The following VWC2 variants were observed in gnomAD, a reference collection of about 807,000 sequenced individuals.
VWC2 encodes the protein brorin.
Under a neutral mutation model 29.8 loss-of-function variants are expected in VWC2, and 14 were observed. The ratio of observed to expected loss-of-function variants is 0.47; its 90% confidence interval spans 0.31 to 0.74. The LOEUF (loss-of-function observed/expected upper bound fraction) is 0.74, where lower values mean the gene tolerates loss of function less well. Ranked by LOEUF, VWC2 falls within the 30% of genes least tolerant of loss-of-function variation. VWC2 has a pLI of 0.05. For synonymous variants in VWC2, 213 were observed against 199.0 expected (o/e 1.07, Z -0.59); for missense variants, 457 against 459.8 (o/e 0.99, Z 0.05).
chr7:49,852,026 C>T lies in VWC2; in HGVS notation c.826+49186C>T, dbSNP rs113711124. Among the ~76,000 whole-genome samples, 272 of 152,250 alleles carry T rather than the reference C, an allele frequency of 1.8e-3. 3 individuals carry two copies. Among genetic ancestry groups the T allele is most frequent in the African/African-American group, 6.1e-3 (253 of 41,556 alleles). On this transcript the variant is annotated intron_variant, in intron 3 of 3. Coordinates refer to ENST00000340652, the MANE Select transcript of VWC2 (RefSeq NM_198570.5). ...AGATCACTGCTGTCAGCCTAGGGTC[C>T]GGATTTAATCCGGATTAAACCAATA...
intron 3 of VWC2, among the ~76,000 whole-genome samples, chr7:49,849,392 T>C (rs1382795486): frequency 1.3e-5 from 2 of 152,212 alleles, no homozygotes; most frequent in African/African-American, 2.4e-5. Flanking sequence ...CTGTGTGTCC[T>C]GCCACTGCTC....
At chr7:49,809,371 A>C (rs1215584981) in intron 3 of VWC2, among the ~76,000 whole-genome samples, 1 of 151,984 alleles carries the variant, frequency 6.6e-6, no homozygotes, top group African/African-American at 2.4e-5. Context: ...ACAAATTAAT[A>C]ATTAAGAGCT....
chr7:49,811,245 T>C (rs1788998799), intron 3 of VWC2, among the ~76,000 whole-genome samples: 3 of 152,128 alleles, frequency 2.0e-5, no homozygotes, highest in Middle Eastern at 3.2e-3. Context: ...AAATAACCAA[T>C]TAAGATGATG....
chr7:49,801,140 G>A lies in VWC2; in HGVS notation c.697-1571G>A, dbSNP rs182531286. Among the ~76,000 whole-genome samples, 292 of 152,294 alleles carry A rather than the reference G, an allele frequency of 1.9e-3. 1 individual carries two copies. Among genetic ancestry groups the A allele is most frequent in the Non-Finnish European group, 3.3e-3 (222 of 68,024 alleles). The stretch of plus-strand genomic sequence containing the variant: ...ATGGTTAAACTCCAGTTGAGCTTTT[G>A]CTTCTCGTAATAGCCAGTCCACTCA... On this transcript the variant is annotated intron_variant, in intron 2 of 3. Transcript: ENST00000340652.
intron 3 of VWC2, among the ~76,000 whole-genome samples, chr7:49,813,129 G>T (rs779239843): frequency 1.3e-5 from 2 of 152,106 alleles, no homozygotes; most frequent in African/African-American, 4.8e-5. Context: ...GTTCTTCTCC[G>T]TGTCATTCTA....
intron 3 of VWC2, among the ~76,000 whole-genome samples, chr7:49,817,658 T>C (rs1789177192): frequency 6.6e-6 from 1 of 152,200 alleles, no homozygotes; most frequent in African/African-American, 2.4e-5. Context: ...TATAAAAGAG[T>C]CCATTACCCC....
chr7:49,913,548 C>G lies in VWC2; in HGVS notation c.*1363C>G, dbSNP rs892127777. The stretch of plus-strand genomic sequence containing the variant: ...ATTTGAAGCCTCTAAAGGTATTTTT[C>G]ATATTTTTGTTTATTCTGAAATTTT... On this transcript the variant is annotated 3_prime_UTR_variant, in exon 4 of 4. Coordinates refer to ENST00000340652, the MANE Select transcript of VWC2 (RefSeq NM_198570.5). 1 of 152,088 alleles carries G rather than the reference C, an allele frequency of 6.6e-6. No individual in the cohort carries two copies. The highest frequency in any genetic ancestry group is 1.5e-5 in the Non-Finnish European group (1 of 68,002). 9.4% of individuals were successfully genotyped at this position (152,088 alleles called of 1,614,324 possible). A position where few individuals can be genotyped will look rare whatever the true frequency, so the allele number is the denominator to read the frequency against.
chr7:49,907,424 T>C (rs1251269928), intron 3 of VWC2, among the ~76,000 whole-genome samples: 1 of 152,144 alleles, frequency 6.6e-6, no homozygotes, highest in Non-Finnish European at 1.5e-5. Flanking sequence ...AGGAATGACA[T>C]TTGCATTGTA....
chr7:49,854,856 G>A (rs1790349973), intron 3 of VWC2, among the ~76,000 whole-genome samples: 1 of 152,170 alleles, frequency 6.6e-6, no homozygotes. Flanking sequence ...GGAAGGGATG[G>A]CTGTTATCAA....
chr7:49,908,492 A>G (rs1334837711), intron 3 of VWC2, among the ~76,000 whole-genome samples: 1 of 152,240 alleles, frequency 6.6e-6, no homozygotes, highest in Non-Finnish European at 1.5e-5. Context: ...AGCCACACAT[A>G]ACACAAATCT....
At chr7:49,815,664 A>C (rs1273670758) in intron 3 of VWC2, among the ~76,000 whole-genome samples, 4 of 152,214 alleles carry the variant, frequency 2.6e-5, no homozygotes, top group Non-Finnish European at 5.9e-5. Flanking sequence ...TTGATGTGAA[A>C]ACCAATGATC....
chr7:49,877,481 A>AAAAAATATACAT, intron 3 of VWC2, among the ~76,000 whole-genome samples: 284 of 12,728 alleles, frequency 0.022, 93 homozygotes, highest in Non-Finnish European at 0.033. Context: ...AAAAAAAAAA[A>AAAAAATATACAT]ATATATATAT....
chr7:49,785,088 A>C (rs112013949), intron 2 of VWC2, among the ~76,000 whole-genome samples: 91 of 152,358 alleles, frequency 6.0e-4, no homozygotes, highest in African/African-American at 2.0e-3. Flanking sequence ...TTTGAATAAG[A>C]ATCAGATAAA....
chr7:49,849,778 A>G (rs530261386), intron 3 of VWC2, among the ~76,000 whole-genome samples: 1 of 152,344 alleles, frequency 6.6e-6, no homozygotes, highest in Non-Finnish European at 1.5e-5. Context: ...GTCTGACTTA[A>G]TAAAAGTGGC....
At chr7:49,805,478 T>C (rs923414482) in intron 3 of VWC2, among the ~76,000 whole-genome samples, 25 of 152,338 alleles carry the variant, frequency 1.6e-4, no homozygotes, top group Admixed American at 1.4e-3. Context: ...ACATTTCTTT[T>C]ATTCACCAGA....
chr7:49,902,406 C>A (rs73336278), intron 3 of VWC2, among the ~76,000 whole-genome samples: 2,195 of 152,062 alleles, frequency 0.014, 63 homozygotes, highest in African/African-American at 0.05. Context: ...ATCAGTGGAA[C>A]AGCAGAACAC....
chr7:49,870,218 G>C (rs1053205254), intron 3 of VWC2, among the ~76,000 whole-genome samples: 1 of 152,170 alleles, frequency 6.6e-6, no homozygotes, highest in Non-Finnish European at 1.5e-5. Flanking sequence ...GGCTAAGACA[G>C]TGAAACTCCG....
intron 3 of VWC2, among the ~76,000 whole-genome samples, chr7:49,906,379 G>A (rs1464741628): frequency 3.9e-5 from 6 of 152,008 alleles, no homozygotes; most frequent in Non-Finnish European, 7.4e-5. Context: ...CTGTCGCCCA[G>A]GCTGGAGTGC....
intron 3 of VWC2, among the ~76,000 whole-genome samples, chr7:49,816,620 A>T (rs1382326729): frequency 6.6e-6 from 1 of 152,210 alleles, no homozygotes; most frequent in Non-Finnish European, 1.5e-5. Flanking sequence ...TTAAGTGCTT[A>T]TCTCATTCAC....
Sources: gnomAD v4.1 joint callset for allele counts (sites outside exome capture counted in the v4.1 genomes callset) on GRCh38, gnomAD v4.1.1 for gene constraint, MANE v1.5 for transcripts, NCBI Gene and HGNC (gene_info 2026-07-23, HGNC 2026-07-21) for gene names.